Variants in PKNOX2 observed in about 807,000 individuals in gnomAD.
PKNOX2 encodes the protein PBX/knotted 1 homeobox 2.
In PKNOX2, 14 loss-of-function variants were observed where a neutral mutation model predicts 53.1. The observed-to-expected ratio is 0.26, with a 90% CI of 0.17 to 0.41. The LOEUF (loss-of-function observed/expected upper bound fraction) is 0.41. PKNOX2 is among the 10% of genes least tolerant of loss of function. The probability of loss-of-function intolerance (pLI) is 1.00; values close to 1 mark genes in which losing one functional copy is unlikely to be tolerated. For missense variants in PKNOX2, 496 were observed against 602.8 expected (o/e 0.82, Z 1.85); for synonymous variants, 257 against 242.8 (o/e 1.06, Z -0.54).
chr11:125,430,821 C>T (rs1956666126), intron 12 of PKNOX2, among the ~76,000 whole-genome samples: 1 of 151,782 alleles, frequency 6.6e-6, no homozygotes, highest in South Asian at 2.1e-4. Flanking sequence ...TCTGTCATCG[C>T]TGACAATGTC....
chr11:125,317,369 T>A (rs780974948), intron 2 of PKNOX2, among the ~76,000 whole-genome samples: 7 of 152,226 alleles, frequency 4.6e-5, no homozygotes, highest in Non-Finnish European at 7.3e-5. Flanking sequence ...AGAAAGTTTT[T>A]AATTTTCTTT....
chr11:125,362,845 T>A (rs1415826499), intron 4 of PKNOX2, among the ~76,000 whole-genome samples: 1 of 152,228 alleles, frequency 6.6e-6, no homozygotes, highest in Non-Finnish European at 1.5e-5. Context: ...CCTACTCATT[T>A]TCATGAGTAG....
intron 2 of PKNOX2, among the ~76,000 whole-genome samples, chr11:125,296,189 G>A (rs1947645201): frequency 6.6e-6 from 1 of 151,542 alleles, no homozygotes; most frequent in Admixed American, 6.6e-5. Context: ...TTTTTTTCCA[G>A]TCTGTGCTCA....
intron 7 of PKNOX2, among the ~76,000 whole-genome samples, chr11:125,409,054 C>T (rs532573381): frequency 1.3e-5 from 2 of 152,270 alleles, no homozygotes; most frequent in East Asian, 1.9e-4. Flanking sequence ...GTTCAAGCCC[C>T]GTCTTCAGAT....
At chr11:125,295,580 C>G (rs973592212) in intron 2 of PKNOX2, among the ~76,000 whole-genome samples, 4 of 152,136 alleles carry the variant, frequency 2.6e-5, no homozygotes, top group Non-Finnish European at 5.9e-5. Flanking sequence ...CTGGAGGACA[C>G]AGTGGGAGAG....
At chr11:125,400,091 C>T (rs548165025) in intron 7 of PKNOX2, among the ~76,000 whole-genome samples, 1 of 152,270 alleles carries the variant, frequency 6.6e-6, no homozygotes, top group Non-Finnish European at 1.5e-5. Flanking sequence ...GGAAGTGAGG[C>T]TGGCCCTGGG....
intron 10 of PKNOX2, among the ~76,000 whole-genome samples, chr11:125,425,322 T>G (rs111401423): frequency 1.5e-4 from 23 of 152,386 alleles, no homozygotes; most frequent in African/African-American, 5.5e-4. Flanking sequence ...CCCAGTCGTG[T>G]GAGGCTCCAG....
chr11:125,426,417 A>G lies in PKNOX2; in HGVS notation c.937-2595A>G, dbSNP rs534842470. Reference sequence around the variant, plus strand: ...ATCTAGTCTGTGAGTTCTTAACTTCAGATATCTTTCACTTGCCAGCACCCA... The same window carrying G: ...ATCTAGTCTGTGAGTTCTTAACTTCGGATATCTTTCACTTGCCAGCACCCA... On this transcript the variant is annotated intron_variant, in intron 10 of 12. Coordinates refer to ENST00000298282, the MANE Select transcript of PKNOX2 (RefSeq NM_001382323.2). 4.1e-4 allele frequency among the ~76,000 whole-genome samples: 62 copies of G among 152,356 alleles called. 1 individual carries two copies. Among genetic ancestry groups the G allele is most frequent in the African/African-American group, 1.3e-3 (55 of 41,586 alleles).
At chr11:125,279,406 G>C (rs1946401596) in intron 2 of PKNOX2, among the ~76,000 whole-genome samples, 1 of 152,200 alleles carries the variant, frequency 6.6e-6, no homozygotes, top group Non-Finnish European at 1.5e-5. Context: ...AGCTGATAAA[G>C]GAGACCCGAG....
At chr11:125,245,808 T>C (rs1029697977) in intron 2 of PKNOX2, among the ~76,000 whole-genome samples, 6 of 152,180 alleles carry the variant, frequency 3.9e-5, no homozygotes, top group South Asian at 4.1e-4. Context: ...TTCTCAGTAC[T>C]GAGTGAGGAA....
intron 10 of PKNOX2, among the ~76,000 whole-genome samples, chr11:125,414,306 C>T (rs555054345): frequency 6.6e-6 from 1 of 152,332 alleles, no homozygotes; most frequent in South Asian, 2.1e-4. Flanking sequence ...TTTCTGCCCA[C>T]ACTTTCCCAC....
chr11:125,403,838 G>T (rs1035970501), intron 7 of PKNOX2, among the ~76,000 whole-genome samples: 1 of 152,172 alleles, frequency 6.6e-6, no homozygotes, highest in African/African-American at 2.4e-5. Flanking sequence ...GGAAATGAGA[G>T]GTACAAAGTT....
chr11:125,430,784 T>C (rs183754087), intron 12 of PKNOX2, among the ~76,000 whole-genome samples: 6 of 150,696 alleles, frequency 4.0e-5, no homozygotes, highest in Admixed American at 3.3e-4. Flanking sequence ...TTTAGGGGGC[T>C]GGACCAGCCT....
intron 3 of PKNOX2, 31 bp downstream of exon 3, chr11:125,331,956 C>T (rs1262773283): frequency 6.6e-6 from 1 of 152,044 alleles, no homozygotes; most frequent in South Asian, 2.1e-4. Flanking sequence ...GTTTAACATA[C>T]AGTTACACCC....
At chr11:125,278,285 A>C (rs182711539) in intron 2 of PKNOX2, among the ~76,000 whole-genome samples, 5 of 152,164 alleles carry the variant, frequency 3.3e-5, no homozygotes. Flanking sequence ...CTTCTGAAGT[A>C]TATGAGACAT....
intron 1 of PKNOX2, among the ~76,000 whole-genome samples, chr11:125,216,478 C>T (rs1277039150): frequency 2.6e-5 from 4 of 152,292 alleles, no homozygotes; most frequent in South Asian, 2.1e-4. Context: ...CTGAGAAACC[C>T]GCCTGGGGAG....
intron 2 of PKNOX2, among the ~76,000 whole-genome samples, chr11:125,266,417 C>T (rs988995240): frequency 2.0e-5 from 3 of 152,186 alleles, no homozygotes; most frequent in Non-Finnish European, 2.9e-5. Context: ...GATTCTTGAA[C>T]CTTTCATCCT....
intron 2 of PKNOX2, among the ~76,000 whole-genome samples, chr11:125,327,859 A>G (rs903283984): frequency 6.6e-5 from 10 of 152,182 alleles, no homozygotes; most frequent in Non-Finnish European, 1.5e-4. Context: ...GTAGCCCTGA[A>G]GCGGTGCCCT....
intron 10 of PKNOX2, among the ~76,000 whole-genome samples, chr11:125,420,525 C>CAAAAAA (rs35294408): frequency 6.9e-6 from 1 of 145,958 alleles, no homozygotes; most frequent in Non-Finnish European, 1.5e-5. Flanking sequence ...GACTCCATCT[C>CAAAAAA]AAAAAAAAAA....
Sources: allele counts gnomAD v4.1 joint callset (sites outside exome capture counted in the v4.1 genomes callset), GRCh38; gene constraint gnomAD v4.1.1; transcripts MANE v1.5; gene names NCBI Gene and HGNC (gene_info 2026-07-23, HGNC 2026-07-21).